The following SLC2A3 variants were observed in gnomAD, a reference collection of about 807,000 sequenced individuals.
SLC2A3 encodes solute carrier family 2, facilitated glucose transporter member 3.
A neutral mutation model predicts 46.4 loss-of-function variants in SLC2A3; 21 were observed. The observed-to-expected ratio is 0.45, with a 90% CI of 0.32 to 0.65. SLC2A3 has a LOEUF of 0.65. SLC2A3 is among the 30% of genes least tolerant of loss of function. The pLI, the probability that SLC2A3 is intolerant of heterozygous loss-of-function variation, is 0.04. For missense variants in SLC2A3, 499 were observed against 623.3 expected (o/e 0.80, Z 2.12); for synonymous variants, 213 against 239.4 (o/e 0.89, Z 1.02).
intron 4 of SLC2A3, 47 bp from the exon 5 acceptor site, chr12:7,930,689 C>G: frequency 6.5e-7 from 1 of 1,539,398 alleles, no homozygotes; most frequent in East Asian, 2.3e-5. Context: ...ACTTCACAGG[C>G]CACAAGTTCA....
chr12:7,932,476 C>A (rs1365574702), intron 3 of SLC2A3, among the ~76,000 whole-genome samples: 1 of 152,136 alleles, frequency 6.6e-6, no homozygotes, highest in Non-Finnish European at 1.5e-5. Flanking sequence ...CCACACCGTG[C>A]CTAATTGGCA....
chr12:7,927,092 T>C (rs1185935545), intron 6 of SLC2A3, among the ~76,000 whole-genome samples: 2 of 152,148 alleles, frequency 1.3e-5, no homozygotes, highest in South Asian at 2.1e-4. Flanking sequence ...GGGATTTACC[T>C]TCTCACGAAA....
At chr12:7,927,037 T>C (rs917245656) in intron 6 of SLC2A3, among the ~76,000 whole-genome samples, 5 of 152,136 alleles carry the variant, frequency 3.3e-5, no homozygotes, top group Admixed American at 2.0e-4. Flanking sequence ...TTTGCCTCCA[T>C]AGCAATATTT....
intron 9 of SLC2A3, among the ~76,000 whole-genome samples, chr12:7,922,365 G>A (rs866771041): frequency 3.9e-5 from 6 of 151,952 alleles, no homozygotes; most frequent in African/African-American, 4.8e-5. Context: ...GTGTCTGGCC[G>A]CAAATTAAAC....
chr12:7,930,257 A>G (rs1042300440), intron 5 of SLC2A3: 3 of 545,140 alleles, frequency 5.5e-6, no homozygotes, highest in Middle Eastern at 4.7e-4. Flanking sequence ...GCTGGATTAC[A>G]GGCATGAGCC....
Position 7,921,592 on chromosome 12 carries a change from A to G in SLC2A3, c.1312T>C (p.Phe438Leu). The change falls in exon 10 of 10, where the codon TTC becomes CTC. Residue 438 changes from phenylalanine to leucine, a missense_variant. Coordinates refer to ENST00000075120, the MANE Select transcript of SLC2A3 (RefSeq NM_006931.3). ...GTAAAAGCCAAGAAGGTAATGAGGAAGCCGGTGAAGATAATAAAAACGTAG... is the reference window on the plus strand; with the variant it reads ...GTAAAAGCCAAGAAGGTAATGAGGAGGCCGGTGAAGATAATAAAAACGTAG... ...GAYVFIIFTG[F>L]LITFLAFTFF... 1 of 1,613,966 alleles carries G rather than the reference A, an allele frequency of 6.2e-7. No homozygotes were observed. The highest frequency in any genetic ancestry group is 8.5e-7 in the Non-Finnish European group (1 of 1,179,850).
chr12:7,934,029 A>G, intron 1 of SLC2A3, 127 bp from the exon 2 acceptor site: 1 of 807,544 alleles, frequency 1.2e-6, no homozygotes, highest in Non-Finnish European at 2.0e-6. Context: ...ACATCCAATG[A>G]GATTTAGGTA....
intron 5 of SLC2A3, 47 bp downstream of exon 5, chr12:7,930,433 A>C: frequency 1.3e-6 from 2 of 1,574,884 alleles, no homozygotes; most frequent in Non-Finnish European, 1.7e-6. Context: ...TCCCTAAAAC[A>C]AACCACAACC....
intron 2 of SLC2A3, 109 bp from the exon 3 acceptor site, chr12:7,933,256 C>T (rs1946177161): frequency 1.6e-6 from 2 of 1,213,386 alleles, no homozygotes; most frequent in Non-Finnish European, 2.3e-6. Context: ...AATAAATAGA[C>T]AGGAATGGAA....
rs1454304534 is a variant in SLC2A3 at position 7,921,430 on chromosome 12, T to C, written c.1474A>G (p.Thr492Ala). Residue 492 changes from threonine (T) to alanine (A), a missense_variant, in exon 10 of 10, where the codon ACC (threonine) becomes GCC (alanine). Thr to Ala is a moderately conservative substitution (Grantham distance 58). Coordinates refer to ENST00000075120, the MANE Select transcript of SLC2A3 (RefSeq NM_006931.3). ...EMNSIEPAKE[T>A]TTNV ...GGCACGACTTAGACATTGGTGGTGG[T>C]CTCCTTAGCAGGCTCGATGCTGTTC... is the stretch of plus-strand genomic sequence containing the variant. 3 of 1,613,858 alleles carry C rather than the reference T, an allele frequency of 1.9e-6. No individual in the cohort carries two copies. The East Asian group carries it at 6.7e-5, about 36-fold the overall frequency.
At chr12:7,925,763 G>A in intron 7 of SLC2A3, 81 bp downstream of exon 7, 2 of 1,084,516 alleles carry the variant, frequency 1.8e-6, no homozygotes, top group Non-Finnish European at 2.8e-6. Flanking sequence ...CTAAATGATG[G>A]TAGGGTCATG....
intron 6 of SLC2A3, among the ~76,000 whole-genome samples, chr12:7,926,542 T>A (rs534710204): frequency 2.0e-5 from 3 of 152,182 alleles, no homozygotes; most frequent in Non-Finnish European, 4.4e-5. Context: ...GTTTCTTTTT[T>A]ATAAGTTGAG....
At chr12:7,935,916 T>G in intron 1 of SLC2A3, 104 bp downstream of exon 1, 2 of 975,910 alleles carry the variant, frequency 2.0e-6, no homozygotes, top group Non-Finnish European at 3.3e-6. Context: ...TTAAGATAGC[T>G]TGGTGACTTA....
At chr12:7,925,057 G>A (rs1946080459) in intron 7 of SLC2A3, among the ~76,000 whole-genome samples, 1 of 152,296 alleles carries the variant, frequency 6.6e-6, no homozygotes, top group Admixed American at 6.5e-5. Context: ...ACCCGTGGAA[G>A]CTGACAGGAA....
intron 2 of SLC2A3, chr12:7,933,427 C>T: frequency 1.9e-6 from 1 of 516,130 alleles, no homozygotes; most frequent in Non-Finnish European, 3.5e-6. Flanking sequence ...AGGGATAATA[C>T]AGGATGTGCA....
intron 7 of SLC2A3, among the ~76,000 whole-genome samples, chr12:7,924,946 T>C (rs199675180): frequency 6.8e-6 from 1 of 146,270 alleles, no homozygotes; most frequent in African/African-American, 2.5e-5. Flanking sequence ...TTTTGTCCAA[T>C]CACAGGTCAG....
chr12:7,922,438 C>G (rs1051046609), intron 9 of SLC2A3, among the ~76,000 whole-genome samples: 4 of 151,656 alleles, frequency 2.6e-5, no homozygotes, highest in Admixed American at 6.6e-5. Flanking sequence ...GTAACTGAAA[C>G]TGAAGAAGAG....
At chr12:7,923,476 G>A (rs1485872858) in intron 8 of SLC2A3, among the ~76,000 whole-genome samples, 3 of 152,222 alleles carry the variant, frequency 2.0e-5, no homozygotes, top group South Asian at 2.1e-4. Context: ...TTAGCTGAGC[G>A]TGGTGGCACG....
Position 7,921,636 on chromosome 12 carries a change from A to G in SLC2A3, c.1273-5T>C. 6.2e-7 allele frequency: 1 copy of G among 1,604,488 alleles called. No individual in the cohort carries two copies. Among genetic ancestry groups the G allele is most frequent in the Non-Finnish European group, 8.5e-7 (1 of 1,175,362 alleles). On this transcript the variant is annotated splice_region_variant and splice_polypyrimidine_tract_variant and intron_variant, in intron 9 of 9. Transcript: ENST00000075120. ...AACGTAGGCTCCTAAATAGTGCTAGAGAAAGGACAGAAAAAAGGAAGGTTG... is the reference window on the plus strand; with the variant it reads ...AACGTAGGCTCCTAAATAGTGCTAGGGAAAGGACAGAAAAAAGGAAGGTTG...
Sources: gnomAD v4.1 joint callset for allele counts (sites outside exome capture counted in the v4.1 genomes callset) on GRCh38, gnomAD v4.1.1 for gene constraint, MANE v1.5 for transcripts, NCBI Gene and HGNC (gene_info 2026-07-23, HGNC 2026-07-21) for gene names.